Variants in TLN2 observed in about 807,000 individuals in gnomAD.
The protein encoded by TLN2 is talin 2.
TLN2 carries 118 observed loss-of-function variants against 294.7 expected under a neutral mutation model. The observed-to-expected ratio is 0.40, with a 90% confidence interval of 0.34 to 0.47. TLN2 has a LOEUF of 0.47. Among genes scored for constraint, TLN2 ranks in the 20% least tolerant of loss-of-function variants. The probability of loss-of-function intolerance (pLI) is 0.84; values close to 1 mark genes in which losing one functional copy is unlikely to be tolerated. For missense variants in TLN2, 3,083 were observed against 3,282.2 expected (o/e 0.94, Z 1.48); for synonymous variants, 1,431 against 1,304.5 (o/e 1.10, Z -2.09).
rs1355149372 is a variant in TLN2 at position 62,842,326 on chromosome 15, G to A, written c.*1716G>A. ...TCTGAAGAGGAGGGGAGCTGCTGGA[G>A]CCCTAGCCTGTTGGGGAAAAGCTGG... On this transcript the variant is annotated 3_prime_UTR_variant, in exon 59 of 59. Transcript: ENST00000636159. 1.3e-5 allele frequency: 2 copies of A among 152,260 alleles called. No individual in the cohort carries two copies. Among genetic ancestry groups the A allele is most frequent in the Admixed American group, 6.5e-5 (1 of 15,274 alleles). The allele number at this position is 152,260 out of a possible 1,614,324, so 9.4% of individuals were successfully genotyped here.
intron 54 of TLN2, among the ~76,000 whole-genome samples, chr15:62,824,903 A>G (rs2067904778): frequency 6.6e-6 from 1 of 152,218 alleles, no homozygotes; most frequent in Non-Finnish European, 1.5e-5. Flanking sequence ...TACTGTTCTC[A>G]ATGTTTTGGA....
Position 62,686,804 on chromosome 15 carries a change from C to T in TLN2, c.1113+8C>T. On this transcript the variant is annotated splice_region_variant and intron_variant, in intron 12 of 58. Coordinates refer to ENST00000636159, the MANE Select transcript of TLN2 (RefSeq NM_015059.3). ...CCCAAGAGCTTCACACTGGTAGGGA[C>T]TGGCAGAGGGCAAGGAGAGCACTAG... 2 of 1,612,674 alleles carry T rather than the reference C, an allele frequency of 1.2e-6. No homozygotes were observed. The highest frequency in any genetic ancestry group is 4.5e-5 in the East Asian group (2 of 44,868).
At chr15:62,706,971 ACTT>A in intron 19 of TLN2, 112 bp from the exon 20 acceptor site, 1 of 1,291,386 alleles carries the variant, frequency 7.7e-7, no homozygotes, top group Non-Finnish European at 1.0e-6. Context: ...AAGTAAAAAA[ACTT>A]CTAAAGTACT....
intron 13 of TLN2, among the ~76,000 whole-genome samples, chr15:62,693,897 G>C (rs1014462350): frequency 4.7e-5 from 7 of 148,874 alleles, no homozygotes; most frequent in South Asian, 2.1e-4. Context: ...ACTTTGACTT[G>C]TGTCCCTTCA....
At chr15:62,436,246 T>C (rs1260881265) in intron 1 of TLN2, among the ~76,000 whole-genome samples, 1 of 152,214 alleles carries the variant, frequency 6.6e-6, no homozygotes, top group Non-Finnish European at 1.5e-5. Flanking sequence ...GTGCTGTGTG[T>C]TAAGGATACA....
chr15:62,537,663 G>T (rs1567070920), intron 1 of TLN2, among the ~76,000 whole-genome samples: 1 of 152,178 alleles, frequency 6.6e-6, no homozygotes, highest in Admixed American at 6.5e-5. Flanking sequence ...TGCTCAGCCA[G>T]TGTAAGTTAG....
Position 62,613,900 on chromosome 15 carries a change from A to G in TLN2, c.-161-4451A>G, listed in dbSNP as rs189154561. Among the ~76,000 whole-genome samples, 101 of 152,278 alleles carry G rather than the reference A, an allele frequency of 6.6e-4. 1 individual carries two copies. The highest frequency in any genetic ancestry group is 3.4e-3 in the Middle Eastern group (1 of 292). ...TACTATAGAGTTCCTTTTAAATAAA[A>G]TTCTGGAAAAATGCAAACTAATGAT... On this transcript the variant is annotated intron_variant, in intron 2 of 58. Transcript: ENST00000636159.
In TLN2 at chr15:62,535,556, A is replaced by ATTTT. The variant is rs34539193; in HGVS notation, c.-237-54118_-237-54115dup. 1.4e-5 allele frequency among the ~76,000 whole-genome samples: 2 copies of ATTTT among 139,736 alleles called. 1 individual carries two copies. Among genetic ancestry groups the ATTTT allele is most frequent in the Non-Finnish European group, 3.1e-5 (2 of 64,588 alleles). The allele number at this position is 139,736 out of a possible 152,430, so 91.7% of individuals were successfully genotyped here. ...GAGTAGTATTGGGTTAGATAACTTG[A>ATTTT]TTTTTTTTTTTTTTTTGGAGACAGT... is the stretch of plus-strand genomic sequence containing the variant. On this transcript the variant is annotated intron_variant, in intron 1 of 58. Coordinates refer to ENST00000636159, the MANE Select transcript of TLN2 (RefSeq NM_015059.3).
At chr15:62,475,457 A>G (rs542369676) in intron 1 of TLN2, among the ~76,000 whole-genome samples, 2 of 152,306 alleles carry the variant, frequency 1.3e-5, no homozygotes, top group Admixed American at 1.3e-4. Context: ...CAGGGGAAAG[A>G]GGCAACTATT....
chr15:62,708,484 G>A lies in TLN2; in HGVS notation c.2173-18G>A. On this transcript the variant is annotated intron_variant, in intron 20 of 58. Transcript: ENST00000636159. ...GATTCAACCACAGTGCCCAAAACCT[G>A]TTCCTGTCTCACTTCAGGTTGTGAG... 6.2e-7 allele frequency: 1 copy of A among 1,609,000 alleles called. No homozygotes were observed. The highest frequency in any genetic ancestry group is 8.5e-7 in the Non-Finnish European group (1 of 1,175,914).
intron 55 of TLN2, chr15:62,834,831 G>C (rs1318437649): frequency 2.0e-5 from 3 of 152,048 alleles, no homozygotes; most frequent in Non-Finnish European, 4.4e-5. Flanking sequence ...ATTGATAAAG[G>C]GCTATGTGTC....
At chr15:62,568,822 T>C (rs1390837886) in intron 1 of TLN2, among the ~76,000 whole-genome samples, 1 of 152,220 alleles carries the variant, frequency 6.6e-6, no homozygotes, top group Non-Finnish European at 1.5e-5. Context: ...TGCCCAGCTG[T>C]GTCCTGCCCA....
In TLN2 at chr15:62,805,471, G is replaced by A. The variant is rs1480496937; in HGVS notation, c.6478-129G>A. On this transcript the variant is annotated intron_variant, in intron 50 of 58. Coordinates refer to ENST00000636159, the MANE Select transcript of TLN2 (RefSeq NM_015059.3). ...TTACTGTACTCAAATTTCTAATTTC[G>A]CCATGTGACAGTTTCTTCCAGTTAC... is the stretch of plus-strand genomic sequence containing the variant. 41 of 965,502 alleles carry A rather than the reference G, an allele frequency of 4.2e-5. 1 individual carries two copies. Among genetic ancestry groups the A allele is most frequent in the South Asian group, 7.5e-5 (4 of 53,140 alleles). The allele number at this position is 965,502 out of a possible 1,614,324, so 59.8% of individuals were successfully genotyped here.
chr15:62,467,265 GGA>G (rs1264400680), intron 1 of TLN2, among the ~76,000 whole-genome samples: 1 of 152,210 alleles, frequency 6.6e-6, no homozygotes, highest in Non-Finnish European at 1.5e-5. Flanking sequence ...TGTAGGAGAA[GGA>G]GAGAGACAAA....
intron 1 of TLN2, among the ~76,000 whole-genome samples, chr15:62,549,428 C>T (rs1223990179): frequency 6.6e-6 from 1 of 152,046 alleles, no homozygotes; most frequent in African/African-American, 2.4e-5. Flanking sequence ...AGCCACCGCC[C>T]CTGGCCACTG....
Position 62,809,996 on chromosome 15 carries a change from C to A in TLN2, c.6735C>A (p.Thr2245=), listed in dbSNP as rs748898091. The change falls in exon 52 of 59, where the codon ACC becomes ACA. Residue 2245 remains threonine, a synonymous_variant. Transcript: ENST00000636159. ...CCTTGCGTTTCGGGACGGAGTGCAC[C>A]CTTGGCTACTTGGACCTCCTGGAGC... ...TRALRFGTEC[T]LGYLDLLEHV... 1 of 1,614,040 alleles carries A rather than the reference C, an allele frequency of 6.2e-7. No homozygotes were observed. The highest frequency in any genetic ancestry group is 8.5e-7 in the Non-Finnish European group (1 of 1,179,998).
At chr15:62,399,457 C>T (rs372932890) in intron 1 of TLN2, among the ~76,000 whole-genome samples, 11 of 151,980 alleles carry the variant, frequency 7.2e-5, no homozygotes, top group African/African-American at 2.7e-4. Flanking sequence ...ATCCTCACAC[C>T]CCAGAATAGT....
intron 51 of TLN2, among the ~76,000 whole-genome samples, chr15:62,807,546 T>A (rs1055800420): frequency 6.6e-6 from 1 of 152,206 alleles, no homozygotes; most frequent in African/African-American, 2.4e-5. Context: ...GTCCCCAAGC[T>A]ACAGACGTGA....
At chr15:62,672,923 A>G (rs1392182930) in intron 9 of TLN2, among the ~76,000 whole-genome samples, 1 of 152,184 alleles carries the variant, frequency 6.6e-6, no homozygotes, top group Non-Finnish European at 1.5e-5. Flanking sequence ...AAGATGCAGA[A>G]TGTTTAGCCA....
Sources: allele counts gnomAD v4.1 joint callset (sites outside exome capture counted in the v4.1 genomes callset), GRCh38; gene constraint gnomAD v4.1.1; transcripts MANE v1.5; gene names NCBI Gene and HGNC (gene_info 2026-07-23, HGNC 2026-07-21).